VDAC2: variants seen among roughly 807,000 people sequenced by gnomAD.
The protein encoded by VDAC2 is voltage dependent anion channel 2, also known as non-selective voltage-gated ion channel VDAC2.
VDAC2 carries 6 observed loss-of-function variants against 36.6 expected under a neutral mutation model. That is an observed-to-expected ratio of 0.16 (90% CI 0.09 to 0.32). The LOEUF (loss-of-function observed/expected upper bound fraction) is 0.32. VDAC2 is among the 10% of genes least tolerant of loss of function. The pLI, the probability that VDAC2 is intolerant of heterozygous loss-of-function variation, is 1.00. For missense variants in VDAC2, 247 were observed against 346.0 expected (o/e 0.71, Z 2.27); for synonymous variants, 109 against 123.8 (o/e 0.88, Z 0.79).
intron 6 of VDAC2, 79 bp downstream of exon 6, chr10:75,219,435 G>A (rs906600824): frequency 2.2e-5 from 27 of 1,206,498 alleles, no homozygotes; most frequent in Non-Finnish European, 3.1e-5. Context: ...TACATTTACT[G>A]TTTGATAGCT....
intron 3 of VDAC2, among the ~76,000 whole-genome samples, chr10:75,213,102 G>A (rs1841480267): frequency 6.6e-6 from 1 of 151,552 alleles, no homozygotes; most frequent in Non-Finnish European, 1.5e-5. Context: ...TTTTTGAGAC[G>A]GAATCTCGCT....
Position 75,222,245 on chromosome 10 carries a change from C to T in VDAC2, c.585-7C>T, listed in dbSNP as rs377333396. ...TTCTAGATCTACTAATTTAAAATAT[C>T]TTATAGCAATGATGGGACAGAATTT... On this transcript the variant is annotated splice_polypyrimidine_tract_variant and splice_region_variant and intron_variant, in intron 7 of 9. Transcript: ENST00000332211. 6.2e-7 allele frequency: 1 copy of T among 1,612,208 alleles called. No homozygotes were observed. The highest frequency in any genetic ancestry group is 1.3e-5 in the African/African-American group (1 of 74,874).
At chr10:75,227,996 G>A (rs1341430070) in intron 8 of VDAC2, among the ~76,000 whole-genome samples, 1 of 151,338 alleles carries the variant, frequency 6.6e-6, no homozygotes, top group Non-Finnish European at 1.5e-5. Flanking sequence ...CCGGGTTCAC[G>A]CCTTTCTCCT....
rs1428848314 is a variant in VDAC2, at chr10:75,219,092, A to G, written c.180A>G (p.Thr60=). Reference sequence around the variant, plus strand: ...TTTCAACGTCCGGTTCATCTAATACAGACACTGGTAAAGTTACTGGGACCT... The same window carrying G: ...TTTCAACGTCCGGTTCATCTAATACGGACACTGGTAAAGTTACTGGGACCT... ...VEFSTSGSSN[T]DTGKVTGTLE... is the part of the protein sequence containing the mutation. Residue 60 remains threonine (T), a synonymous_variant, in exon 5 of 10, where the codon ACA becomes ACG. Coordinates refer to ENST00000332211, the MANE Select transcript of VDAC2 (RefSeq NM_001391963.1). The G allele has an allele frequency of 6.2e-7, 1 of 1,610,744 alleles. No homozygotes were observed. The highest frequency in any genetic ancestry group is 1.7e-5 in the Admixed American group (1 of 59,518).
intron 8 of VDAC2, among the ~76,000 whole-genome samples, chr10:75,226,920 C>T (rs1356730348): frequency 4.6e-5 from 7 of 152,140 alleles, no homozygotes; most frequent in Admixed American, 1.3e-4. Context: ...AAAGGTTGAG[C>T]CAGTGGCCAG....
rs781267817 is a variant in VDAC2, at chr10:75,214,008, C to G, written c.101-13C>G. The stretch of plus-strand genomic sequence containing the variant: ...GGAATCATTTTGTTTCTTTTGCTGT[C>G]TATTTGTTGAAGGTTTTGGGTTGGT... On this transcript the variant is annotated splice_polypyrimidine_tract_variant and intron_variant, in intron 3 of 9. Coordinates refer to ENST00000332211, the MANE Select transcript of VDAC2 (RefSeq NM_001391963.1). 11 of 1,612,526 alleles carry G rather than the reference C, an allele frequency of 6.8e-6. 1 individual carries two copies. In the South Asian group the frequency reaches 1.1e-4, roughly 16 times the overall value.
intron 4 of VDAC2, among the ~76,000 whole-genome samples, chr10:75,215,228 T>C (rs1298020962): frequency 2.0e-5 from 3 of 152,104 alleles, no homozygotes; most frequent in Non-Finnish European, 4.4e-5. Flanking sequence ...AAATTTAACT[T>C]TGTGAAATTT....
intron 9 of VDAC2, 51 bp from the exon 10 acceptor site, chr10:75,230,847 C>A: frequency 2.0e-6 from 3 of 1,498,244 alleles, no homozygotes; most frequent in Non-Finnish European, 1.8e-6. Context: ...GACTGAGTGA[C>A]GTGCCAGGTA....
intron 2 of VDAC2, 47 bp from the exon 3 acceptor site, chr10:75,212,183 G>A (rs772434631): frequency 3.9e-6 from 6 of 1,522,050 alleles, no homozygotes; most frequent in Non-Finnish European, 4.5e-6. Context: ...TTGGATAGAA[G>A]GTGGGAGAAT....
At chr10:75,221,596 C>T (rs550968464) in intron 7 of VDAC2, among the ~76,000 whole-genome samples, 4 of 152,254 alleles carry the variant, frequency 2.6e-5, no homozygotes, top group East Asian at 1.9e-4. Context: ...GGATTACAGG[C>T]GTGAGCCACT....
intron 8 of VDAC2, among the ~76,000 whole-genome samples, chr10:75,224,711 C>G (rs1027078936): frequency 6.6e-6 from 1 of 152,102 alleles, no homozygotes; most frequent in African/African-American, 2.4e-5. Flanking sequence ...GATGCTAGAC[C>G]AAGCTCAGGT....
intron 8 of VDAC2, among the ~76,000 whole-genome samples, chr10:75,226,677 G>A (rs1230537060): frequency 6.6e-6 from 1 of 151,952 alleles, no homozygotes. Context: ...TGGCCAGGTG[G>A]GTCTCCAACC....
chr10:75,215,600 C>G (rs1841576976), intron 4 of VDAC2, among the ~76,000 whole-genome samples: 1 of 152,164 alleles, frequency 6.6e-6, no homozygotes, highest in African/African-American at 2.4e-5. Context: ...GATCTGCCCA[C>G]CTCGGGCTCC....
intron 8 of VDAC2, among the ~76,000 whole-genome samples, chr10:75,227,028 A>C (rs1440760415): frequency 6.6e-6 from 1 of 152,208 alleles, no homozygotes; most frequent in Non-Finnish European, 1.5e-5. Flanking sequence ...CAGGAAGGTA[A>C]ACAATAATAC....
chr10:75,213,169 C>G (rs1392930806), intron 3 of VDAC2, among the ~76,000 whole-genome samples: 1 of 152,068 alleles, frequency 6.6e-6, no homozygotes, highest in Non-Finnish European at 1.5e-5. Context: ...GCCTCTGCCT[C>G]CTGGGTTCCA....
chr10:75,211,185 G>A lies in VDAC2; in HGVS notation c.27G>A (p.Ala9=). The A allele has an allele frequency of 6.2e-7, 1 of 1,613,220 alleles. No homozygotes were observed. Among genetic ancestry groups the A allele is most frequent in the Non-Finnish European group, 8.5e-7 (1 of 1,179,638 alleles). Residue 9 remains alanine (A), a synonymous_variant, in exon 2 of 10, where the codon GCG becomes GCA. Coordinates refer to ENST00000332211, the MANE Select transcript of VDAC2 (RefSeq NM_001391963.1). ...TGGCGACCCACGGACAGACTTGCGC[G>A]CGTCGTAAGTAAAGCTGGGATCTCT... MATHGQTC[A]RPMCIPPSYA...
chr10:75,229,815 C>A, intron 9 of VDAC2, 114 bp downstream of exon 9: 2 of 707,786 alleles, frequency 2.8e-6, no homozygotes, highest in Non-Finnish European at 4.5e-6. Flanking sequence ...AAGAAGAGTA[C>A]AATAAATACG....
At chr10:75,220,602 C>T in intron 6 of VDAC2, 141 bp from the exon 7 acceptor site, 3 of 675,216 alleles carry the variant, frequency 4.4e-6, no homozygotes, top group Non-Finnish European at 7.6e-6. Flanking sequence ...GTTCATTGAG[C>T]TGACTTTTTT....
chr10:75,220,159 G>C (rs1841768270), intron 6 of VDAC2, among the ~76,000 whole-genome samples: 1 of 151,334 alleles, frequency 6.6e-6, no homozygotes, highest in African/African-American at 2.4e-5. Flanking sequence ...AGGCTGGAGT[G>C]CAATGGTGCG....
Sources: allele counts gnomAD v4.1 joint callset (sites outside exome capture counted in the v4.1 genomes callset), GRCh38; gene constraint gnomAD v4.1.1; transcripts MANE v1.5; gene names NCBI Gene and HGNC (gene_info 2026-07-23, HGNC 2026-07-21).